The following ARHGEF10L variants were observed in gnomAD, a reference collection of about 807,000 sequenced individuals.
ARHGEF10L encodes the protein rho guanine nucleotide exchange factor 10-like protein.
ARHGEF10L carries 69 observed loss-of-function variants against 141.2 expected under a neutral mutation model. That is an observed-to-expected ratio of 0.49 (90% CI 0.40 to 0.60). ARHGEF10L has a LOEUF of 0.60. Among genes scored for constraint, ARHGEF10L ranks in the 20% least tolerant of loss-of-function variants. The pLI is 0.00. For missense variants in ARHGEF10L, 1,482 were observed against 1,734.3 expected (o/e 0.85, Z 2.58); for synonymous variants, 711 against 718.5 (o/e 0.99, Z 0.17).
chr1:17,695,925 G>A (rs371039742), intron 28 of ARHGEF10L, among the ~76,000 whole-genome samples: 7 of 152,092 alleles, frequency 4.6e-5, no homozygotes, highest in African/African-American at 7.2e-5. Flanking sequence ...GGCTGGGCGC[G>A]GTGGCTCACA....
Position 17,654,126 on chromosome 1 carries a change from C to T in ARHGEF10L, c.2395-510C>T, listed in dbSNP as rs1215739054. 1.3e-5 allele frequency among the ~76,000 whole-genome samples: 2 copies of T among 152,208 alleles called. No individual in the cohort carries two copies. Among genetic ancestry groups the T allele is most frequent in the African/African-American group, 4.8e-5 (2 of 41,438 alleles). ...ACCAGGTCTAGCTCAGGAGACAGGC[C>T]TCAGAGAGAGGCCACCCAACATGGG... On this transcript the variant is annotated intron_variant, in intron 22 of 28. Coordinates refer to ENST00000361221, the MANE Select transcript of ARHGEF10L (RefSeq NM_018125.4). This position sits in a 1 kb window ranked among gnomAD's most constrained non-coding sequence, Gnocchi z 4.3.
Position 17,607,453 on chromosome 1 carries a change from C to T in ARHGEF10L, c.434-349C>T, listed in dbSNP as rs183857069. On this transcript the variant is annotated intron_variant, in intron 6 of 28. Transcript: ENST00000361221. This position sits in a 1 kb window ranked among gnomAD's most constrained non-coding sequence, Gnocchi z 4.5. ...TTGTACCACTGCACTCCAGCCTGGG[C>T]GAGACAATGAGACCCTGTCTCTAAA... 6.6e-5 allele frequency among the ~76,000 whole-genome samples: 10 copies of T among 152,236 alleles called. No individual in the cohort carries two copies. The highest frequency in any genetic ancestry group is 1.4e-4 in the African/African-American group (6 of 41,544).
chr1:17,560,792 T>C (rs67942162), intron 1 of ARHGEF10L, among the ~76,000 whole-genome samples: 19,045 of 152,236 alleles, frequency 0.13, 1,373 homozygotes, highest in Middle Eastern at 0.22. Context: ...CTCGAACTCC[T>C]GATCTCAGGT....
chr1:17,565,108 G>A (rs1343482164), intron 1 of ARHGEF10L, among the ~76,000 whole-genome samples: 5 of 152,216 alleles, frequency 3.3e-5, no homozygotes, highest in Admixed American at 6.5e-5. Context: ...TCGGTGTCTG[G>A]TGAGGGCCTG....
chr1:17,598,195 G>A (rs975444635), intron 4 of ARHGEF10L, among the ~76,000 whole-genome samples: 13 of 151,482 alleles, frequency 8.6e-5, no homozygotes, highest in African/African-American at 3.2e-4. Context: ...TCCGCTTCCC[G>A]GGTTCAAGCG....
intron 18 of ARHGEF10L, among the ~76,000 whole-genome samples, chr1:17,636,262 G>C (rs989898809): frequency 1.3e-5 from 2 of 152,268 alleles, no homozygotes; most frequent in Admixed American, 1.3e-4. Flanking sequence ...GTCACGTACT[G>C]CCAGACCCCT....
intron 1 of ARHGEF10L, among the ~76,000 whole-genome samples, chr1:17,569,996 G>A (rs2077926772): frequency 2.0e-5 from 3 of 152,226 alleles, no homozygotes; most frequent in African/African-American, 7.2e-5. Context: ...CAACTTGGCT[G>A]TGAATCTGTT....
intron 1 of ARHGEF10L, among the ~76,000 whole-genome samples, chr1:17,542,157 A>G (rs2076753276): frequency 6.6e-6 from 1 of 151,776 alleles, no homozygotes; most frequent in Non-Finnish European, 1.5e-5. Context: ...AAAAGAAAAG[A>G]AAAGAAGAAG....
upstream of ARHGEF10L, among the ~76,000 whole-genome samples, chr1:17,536,600 AG>A (rs1231244717): frequency 6.6e-6 from 1 of 152,198 alleles, no homozygotes; most frequent in African/African-American, 2.4e-5. Flanking sequence ...TGAGGGCTGC[AG>A]GTTTATTTAT....
intron 1 of ARHGEF10L, among the ~76,000 whole-genome samples, chr1:17,566,701 G>A (rs1346224846): frequency 1.3e-5 from 2 of 152,222 alleles, no homozygotes; most frequent in Non-Finnish European, 2.9e-5. Context: ...ACCTGGGAGA[G>A]TTGAGTCCAG....
intron 25 of ARHGEF10L, among the ~76,000 whole-genome samples, chr1:17,659,062 G>A (rs148127979): frequency 4.6e-5 from 7 of 152,302 alleles, no homozygotes; most frequent in African/African-American, 7.2e-5. Flanking sequence ...AGCTGTTTGC[G>A]AGGGCTCCAA....
chr1:17,555,797 G>C (rs1363315745), intron 1 of ARHGEF10L, among the ~76,000 whole-genome samples: 1 of 152,122 alleles, frequency 6.6e-6, no homozygotes, highest in African/African-American at 2.4e-5. Flanking sequence ...GCTTCTTTCT[G>C]TCGTGTCCCT....
Position 17,656,346 on chromosome 1 carries a change from G to A in ARHGEF10L, c.2706-208G>A, listed in dbSNP as rs186544508. On this transcript the variant is annotated intron_variant, in intron 24 of 28. Coordinates refer to ENST00000361221, the MANE Select transcript of ARHGEF10L (RefSeq NM_018125.4). This position sits in a 1 kb window ranked among gnomAD's most constrained non-coding sequence, Gnocchi z 4.9. ...TCTTTTGCCTCCCTGAGTCCTCTTC[G>A]TGACAGAGGTGTCAGGGAGGGTACC... 5.6e-4 allele frequency among the ~76,000 whole-genome samples: 86 copies of A among 152,302 alleles called. No individual in the cohort carries two copies. Among genetic ancestry groups the A allele is most frequent in the African/African-American group, 1.4e-3 (60 of 41,558 alleles).
chr1:17,617,876 C>T (rs1221958907), intron 9 of ARHGEF10L, among the ~76,000 whole-genome samples: 1 of 152,118 alleles, frequency 6.6e-6, no homozygotes, highest in Non-Finnish European at 1.5e-5. Context: ...GGTGCCAGGA[C>T]GGCCTCGTGC....
In ARHGEF10L at chr1:17,607,645, G is replaced by A. The variant is rs1034998864; in HGVS notation, c.434-157G>A. On this transcript the variant is annotated intron_variant, in intron 6 of 28. Coordinates refer to ENST00000361221, the MANE Select transcript of ARHGEF10L (RefSeq NM_018125.4). This position sits in a 1 kb window ranked among gnomAD's most constrained non-coding sequence, Gnocchi z 4.5. ...AGGGGGAAAATGTATTATCATCTTC[G>A]TTTCATGGTTGAGGAGGTAGAGCTG... is the stretch of plus-strand genomic sequence containing the variant. 1.3e-5 allele frequency among the ~76,000 whole-genome samples: 2 copies of A among 152,158 alleles called. No individual in the cohort carries two copies. Among genetic ancestry groups the A allele is most frequent in the Non-Finnish European group, 2.9e-5 (2 of 68,024 alleles).
rs797016682 is a variant in ARHGEF10L, at chr1:17,683,200, G to C, written c.3010-4373G>C. Among the ~76,000 whole-genome samples the C allele has an allele frequency of 1.2e-3, 113 of 91,056 alleles. No homozygotes were observed. In the East Asian group the frequency reaches 0.024, roughly 19 times the overall value. The allele number at this position is 91,056 out of a possible 152,430, so 59.7% of individuals were successfully genotyped here. On this transcript the variant is annotated intron_variant, in intron 26 of 28. Transcript: ENST00000361221. ...GTGCTCACTGCCCCCTGCTCTCACC[G>C]GGGTGCTCACTGCCCCCTGCTCTCA... is the stretch of plus-strand genomic sequence containing the variant.
chr1:17,548,771 C>T (rs2077007132), intron 1 of ARHGEF10L, among the ~76,000 whole-genome samples: 1 of 149,842 alleles, frequency 6.7e-6, no homozygotes, highest in Non-Finnish European at 1.5e-5. Flanking sequence ...GCCTCAGCCT[C>T]CTGAGTAGAT....
At chr1:17,694,800 C>G in intron 27 of ARHGEF10L, 1 of 410,214 alleles carries the variant, frequency 2.4e-6, no homozygotes, top group South Asian at 1.9e-5. Flanking sequence ...TGGCTGGATC[C>G]CTGCATGGAT....
At chr1:17,521,957 T>C in the ARHGEF10L span, among the ~76,000 whole-genome samples, 1 of 152,174 alleles carries the variant, frequency 6.6e-6, no homozygotes, top group Non-Finnish European at 1.5e-5. Flanking sequence ...CCTTGGCAAA[T>C]TACCCTATCC....
Sources: gnomAD v4.1 joint callset for allele counts (sites outside exome capture counted in the v4.1 genomes callset) on GRCh38, gnomAD v4.1.1 for gene constraint, Gnocchi (gnomAD v3.1) non-coding constraint, MANE v1.5 for transcripts, NCBI Gene and HGNC (gene_info 2026-07-23, HGNC 2026-07-21) for gene names.